The following GABRB2 variants were observed in gnomAD, a reference collection of about 807,000 sequenced individuals.
GABRB2 encodes gamma-aminobutyric acid type A receptor subunit beta2.
GABRB2 carries 16 observed loss-of-function variants against 54.7 expected under a neutral mutation model. The observed-to-expected ratio is 0.29, with a 90% CI of 0.20 to 0.44. The LOEUF (loss-of-function observed/expected upper bound fraction) is 0.44. Ranked by LOEUF, GABRB2 falls within the 20% of genes least tolerant of loss-of-function variation. The pLI is 1.00. For missense variants in GABRB2, 355 were observed against 644.0 expected, an observed-to-expected ratio of 0.55 and a Z score of 4.86; for synonymous variants, 244 against 233.8, an observed-to-expected ratio of 1.04 and a Z score of -0.40.
chr5:161,434,920 C>T (rs1218572590), intron 4 of GABRB2, among the ~76,000 whole-genome samples: 1 of 152,116 alleles, frequency 6.6e-6, no homozygotes, highest in African/African-American at 2.4e-5. Flanking sequence ...AAAGTTCTCT[C>T]CATATTGCGA....
In GABRB2 at chr5:161,294,248, G is replaced by A. The variant is rs1757317867; in HGVS notation, c.1372C>T (p.Arg458Ter). The change falls in exon 10 of 10, where the codon CGA becomes TGA. Residue 458 changes from arginine (R) to a stop codon, truncating the protein, a stop_gained. Transcript: ENST00000393959. LOFTEE classifies it high-confidence loss of function. ...CGACTTTTCTTTTGCGCCACATGTC[G>A]TTCCAGAGCATTTCGGCCAAAACTA... ...RHSFGRNALE[R>*]HVAQKKSRLR... The A allele has an allele frequency of 1.2e-6, 2 of 1,614,114 alleles. No homozygotes were observed. The highest frequency in any genetic ancestry group is 1.7e-6 in the Non-Finnish European group (2 of 1,180,014).
chr5:161,414,182 T>C (rs1294707735), intron 4 of GABRB2, among the ~76,000 whole-genome samples: 1 of 152,174 alleles, frequency 6.6e-6, no homozygotes, highest in Non-Finnish European at 1.5e-5. Context: ...ACAGAAACTT[T>C]GGAGCCAAAA....
chr5:161,416,245 T>C (rs922682845), intron 4 of GABRB2, among the ~76,000 whole-genome samples: 2 of 152,092 alleles, frequency 1.3e-5, no homozygotes, highest in Non-Finnish European at 2.9e-5. Flanking sequence ...CAGCCAGCAT[T>C]CCAAGTTTGG....
chr5:161,506,038 A>G lies in GABRB2; in HGVS notation c.237+39189T>C, dbSNP rs552284417. Reference sequence around the variant, plus strand: ...TCATAAATGACATGATTTTGTGTGTATATATATATATGTATATATAACCTA... The same window carrying G: ...TCATAAATGACATGATTTTGTGTGTGTATATATATATGTATATATAACCTA... On this transcript the variant is annotated intron_variant, in intron 3 of 9. Coordinates refer to ENST00000393959, the MANE Select transcript of GABRB2 (RefSeq NM_001371727.1). Among the ~76,000 whole-genome samples the G allele has an allele frequency of 1.8e-4, 27 of 151,638 alleles. No homozygotes were observed. The South Asian group carries it at 1.9e-3, about 10-fold the overall frequency.
chr5:161,326,943 GA>G lies in GABRB2; in HGVS notation c.1078-463del, dbSNP rs1325978807. 4.2e-6 allele frequency: 4 copies of G among 961,438 alleles called. No individual in the cohort carries two copies. In the African/African-American group the frequency reaches 7.1e-5, roughly 17 times the overall value. 59.6% of individuals were successfully genotyped at this position (961,438 alleles called of 1,614,324 possible). A position where few individuals can be genotyped will look rare whatever the true frequency, so the allele number is the denominator to read the frequency against. On this transcript the variant is annotated intron_variant, in intron 8 of 9. Transcript: ENST00000393959. Reference sequence around the variant, plus strand: ...AGTATTTGGCAGAAAAATAAACAAGGAAACAATATAAAGCTTAAAAGAGAAG... The same window carrying G: ...AGTATTTGGCAGAAAAATAAACAAGGAACAATATAAAGCTTAAAAGAGAAG...
chr5:161,421,343 G>C (rs1157687052), intron 4 of GABRB2, among the ~76,000 whole-genome samples: 2 of 152,124 alleles, frequency 1.3e-5, no homozygotes, highest in South Asian at 2.1e-4. Context: ...GTTGCCATTA[G>C]AGCGACCCCC....
chr5:161,532,356 C>T (rs1257663112), intron 3 of GABRB2, among the ~76,000 whole-genome samples: 1 of 152,068 alleles, frequency 6.6e-6, no homozygotes, highest in East Asian at 1.9e-4. Flanking sequence ...TGGTTAGTTG[C>T]TGTCCAATTA....
chr5:161,388,392 T>G (rs1755711152), intron 5 of GABRB2, among the ~76,000 whole-genome samples: 1 of 152,092 alleles, frequency 6.6e-6, no homozygotes, highest in Non-Finnish European at 1.5e-5. Context: ...ATTTATTACT[T>G]ATAGCCTATC....
intron 3 of GABRB2, among the ~76,000 whole-genome samples, chr5:161,505,593 C>G (rs760203621): frequency 1.3e-5 from 2 of 151,868 alleles, no homozygotes; most frequent in African/African-American, 4.8e-5. Flanking sequence ...TAATAGAGCA[C>G]GATAAAATAG....
chr5:161,307,909 A>G (rs937973689), intron 9 of GABRB2, among the ~76,000 whole-genome samples: 21 of 148,038 alleles, frequency 1.4e-4, no homozygotes, highest in African/African-American at 5.3e-4. Context: ...CCCAGGCTGG[A>G]GTGCAGTGGA....
intron 5 of GABRB2, among the ~76,000 whole-genome samples, chr5:161,369,074 C>A (rs867892883): frequency 3.1e-4 from 47 of 152,162 alleles, no homozygotes; most frequent in African/African-American, 1.1e-3. Flanking sequence ...TGGGCCCCAC[C>A]GCATTTACAT....
intron 5 of GABRB2, among the ~76,000 whole-genome samples, chr5:161,408,467 G>A (rs1258582987): frequency 2.0e-5 from 3 of 152,068 alleles, no homozygotes; most frequent in African/African-American, 7.2e-5. Context: ...AAAGATTAGT[G>A]TTCAATAACA....
intron 4 of GABRB2, among the ~76,000 whole-genome samples, chr5:161,433,429 G>C (rs2113183380): frequency 7.1e-6 from 1 of 141,462 alleles, no homozygotes; most frequent in Non-Finnish European, 1.5e-5. Flanking sequence ...GCAAAACCCT[G>C]TCTCTACTAA....
intron 5 of GABRB2, among the ~76,000 whole-genome samples, chr5:161,363,075 A>G (rs1754861455): frequency 6.6e-6 from 1 of 152,214 alleles, no homozygotes; most frequent in Non-Finnish European, 1.5e-5. Context: ...AGACACATGC[A>G]CACGTATGTT....
At chr5:161,437,699 C>T (rs1442067613) in intron 4 of GABRB2, among the ~76,000 whole-genome samples, 1 of 152,134 alleles carries the variant, frequency 6.6e-6, no homozygotes, top group Non-Finnish European at 1.5e-5. Context: ...GGCCAGGCAG[C>T]ATTCACCACA....
chr5:161,494,039 T>TAAA lies in GABRB2; in HGVS notation c.238-34198_238-34196dup, dbSNP rs202245606. Among the ~76,000 whole-genome samples, 1,182 of 151,820 alleles carry TAAA rather than the reference T, an allele frequency of 7.8e-3. 14 individuals carry two copies. Among genetic ancestry groups the TAAA allele is most frequent in the African/African-American group, 0.026 (1,085 of 41,516 alleles). On this transcript the variant is annotated intron_variant, in intron 3 of 9. Coordinates refer to ENST00000393959, the MANE Select transcript of GABRB2 (RefSeq NM_001371727.1). ...ACAAATACATACAATTTTTGTCAATTAAAAACCAAAATTTAAAAATCCTAT... is the reference window on the plus strand; with the variant it reads ...ACAAATACATACAATTTTTGTCAATTAAAAAAAACCAAAATTTAAAAATCCTAT...
At chr5:161,313,685 T>C (rs1325419026) in intron 9 of GABRB2, among the ~76,000 whole-genome samples, 1 of 152,214 alleles carries the variant, frequency 6.6e-6, no homozygotes, top group African/African-American at 2.4e-5. Flanking sequence ...TGGCAGCTGC[T>C]GTTCCAAGCA....
intron 4 of GABRB2, among the ~76,000 whole-genome samples, chr5:161,457,448 CTT>C (rs199690111): frequency 1.6e-4 from 22 of 139,422 alleles, no homozygotes; most frequent in South Asian, 2.3e-4. Context: ...CCTCTCAATT[CTT>C]TTTTTTTTTT....
At chr5:161,476,032 G>A (rs1758582083) in intron 3 of GABRB2, among the ~76,000 whole-genome samples, 2 of 152,058 alleles carry the variant, frequency 1.3e-5, no homozygotes, top group South Asian at 2.1e-4. Flanking sequence ...AATCCAATAT[G>A]TAGAAAATCC....
Sources: allele counts gnomAD v4.1 joint callset (sites outside exome capture counted in the v4.1 genomes callset), GRCh38; gene constraint gnomAD v4.1.1; transcripts MANE v1.5; gene names NCBI Gene and HGNC (gene_info 2026-07-23, HGNC 2026-07-21).